STXBP5L: variants seen among roughly 807,000 people sequenced by gnomAD.
STXBP5L encodes syntaxin-binding protein 5-like.
In STXBP5L, 65 loss-of-function variants were observed where a neutral mutation model predicts 144.5. The observed-to-expected ratio is 0.45, with a 90% CI of 0.37 to 0.55. The LOEUF (loss-of-function observed/expected upper bound fraction) is 0.55. STXBP5L is among the 20% of genes least tolerant of loss of function. The pLI, the probability that STXBP5L is intolerant of heterozygous loss-of-function variation, is 0.00. For synonymous variants in STXBP5L, 505 were observed against 469.6 expected (o/e 1.08, Z -0.97); for missense variants, 1,298 against 1,405.5 (o/e 0.92, Z 1.22).
intron 7 of STXBP5L, among the ~76,000 whole-genome samples, chr3:121,123,077 C>T (rs1466464909): frequency 2.0e-5 from 3 of 151,418 alleles, no homozygotes; most frequent in Admixed American, 6.6e-5. Flanking sequence ...CCTCTTACTT[C>T]TAGAGAGAAG....
chr3:121,198,787 A>G (rs2108203516), intron 9 of STXBP5L, among the ~76,000 whole-genome samples: 1 of 152,118 alleles, frequency 6.6e-6, no homozygotes, highest in South Asian at 2.1e-4. Flanking sequence ...TGAAGATCAG[A>G]TGGTTGTAGG....
At chr3:120,989,373 T>G (rs1942611370) in intron 3 of STXBP5L, among the ~76,000 whole-genome samples, 1 of 152,200 alleles carries the variant, frequency 6.6e-6, no homozygotes, top group Admixed American at 6.5e-5. Context: ...TTTGTATTAT[T>G]CTGATGATTT....
rs533696143 is a variant in STXBP5L, at chr3:120,976,336, G to T, written c.287+21299G>T. Among the ~76,000 whole-genome samples the T allele has an allele frequency of 7.2e-5, 11 of 152,296 alleles. No homozygotes were observed. The South Asian group carries it at 1.9e-3, about 26-fold the overall frequency. ...GATTTTCTAGTTTATTTGTGTAGAG[G>T]TGTTTGTAGTATTCTCTGATAGTAG... On this transcript the variant is annotated intron_variant, in intron 3 of 26. Coordinates refer to ENST00000471454, the MANE Select transcript of STXBP5L (RefSeq NM_001308330.2).
At chr3:121,164,804 G>A (rs2046443908) in intron 9 of STXBP5L, among the ~76,000 whole-genome samples, 1 of 152,162 alleles carries the variant, frequency 6.6e-6, no homozygotes, top group African/African-American at 2.4e-5. Context: ...GAAAAGTATT[G>A]CATTGTCTCA....
At chr3:121,340,132 C>T (rs541505575) in intron 20 of STXBP5L, among the ~76,000 whole-genome samples, 10 of 152,146 alleles carry the variant, frequency 6.6e-5, no homozygotes, top group East Asian at 1.9e-4. Context: ...CTGGAGGCAT[C>T]GCATTACCTG....
chr3:121,244,534 A>G (rs1214134736), intron 14 of STXBP5L, among the ~76,000 whole-genome samples: 2 of 152,198 alleles, frequency 1.3e-5, no homozygotes, highest in Admixed American at 6.6e-5. Flanking sequence ...ATGGTCAAAA[A>G]TTTCCCAAGT....
At chr3:121,209,589 C>A (rs189472420) in intron 10 of STXBP5L, among the ~76,000 whole-genome samples, 4 of 152,004 alleles carry the variant, frequency 2.6e-5, no homozygotes, top group South Asian at 2.1e-4. Flanking sequence ...CCTCTCCCCC[C>A]ACCCCATGAC....
At chr3:121,083,561 G>T (rs2107701505) in intron 5 of STXBP5L, among the ~76,000 whole-genome samples, 1 of 152,150 alleles carries the variant, frequency 6.6e-6, no homozygotes, top group Admixed American at 6.5e-5. Flanking sequence ...TACTCGGGAG[G>T]CTGAGGCAGG....
At chr3:121,153,224 G>T (rs1467555204) in intron 8 of STXBP5L, among the ~76,000 whole-genome samples, 1 of 152,094 alleles carries the variant, frequency 6.6e-6, no homozygotes, top group East Asian at 1.9e-4. Context: ...CACTTCAGTT[G>T]TTCAAATATT....
intron 18 of STXBP5L, among the ~76,000 whole-genome samples, chr3:121,268,091 A>G (rs1005674266): frequency 7.2e-5 from 11 of 152,216 alleles, no homozygotes; most frequent in Admixed American, 7.2e-4. Context: ...TCATTCTGCT[A>G]TAAAGACACA....
At chr3:121,037,861 A>G (rs1197818254) in intron 3 of STXBP5L, among the ~76,000 whole-genome samples, 2 of 151,930 alleles carry the variant, frequency 1.3e-5, no homozygotes, top group African/African-American at 4.8e-5. Context: ...GTGCTGTTAA[A>G]TTTCCTACTT....
intron 2 of STXBP5L, among the ~76,000 whole-genome samples, chr3:120,914,859 G>T (rs1320160755): frequency 1.3e-5 from 2 of 152,040 alleles, no homozygotes; most frequent in Admixed American, 6.6e-5. Flanking sequence ...TAACCAGAAA[G>T]AATTAAAGAT....
chr3:121,065,357 A>G (rs2041492220), intron 5 of STXBP5L, among the ~76,000 whole-genome samples: 1 of 152,100 alleles, frequency 6.6e-6, no homozygotes, highest in African/African-American at 2.4e-5. Context: ...GTATATACAT[A>G]TTTTATAATA....
At chr3:121,035,036 C>A (rs1419704204) in intron 3 of STXBP5L, among the ~76,000 whole-genome samples, 1 of 152,050 alleles carries the variant, frequency 6.6e-6, no homozygotes. Context: ...AATGCCTGTT[C>A]ATGTCCTTTG....
intron 2 of STXBP5L, among the ~76,000 whole-genome samples, chr3:120,923,706 A>G (rs1709468705): frequency 6.6e-6 from 1 of 152,012 alleles, no homozygotes; most frequent in Admixed American, 6.5e-5. Flanking sequence ...AAGATATGTC[A>G]TATGATTTTT....
intron 10 of STXBP5L, among the ~76,000 whole-genome samples, chr3:121,220,528 A>G (rs895180431): frequency 6.6e-6 from 1 of 152,082 alleles, no homozygotes; most frequent in Non-Finnish European, 1.5e-5. Context: ...AGGATCTGTA[A>G]TCTAATAAAT....
At chr3:121,281,602 AC>A (rs1398423939) in intron 19 of STXBP5L, among the ~76,000 whole-genome samples, 1 of 152,052 alleles carries the variant, frequency 6.6e-6, no homozygotes, top group Non-Finnish European at 1.5e-5. Flanking sequence ...TATCTAAATC[AC>A]TTGCTGGATA....
intron 8 of STXBP5L, among the ~76,000 whole-genome samples, chr3:121,156,345 A>C (rs749259669): frequency 4.6e-5 from 7 of 152,020 alleles, no homozygotes; most frequent in Admixed American, 3.9e-4. Flanking sequence ...GTTTCAAAAA[A>C]TAAATATGAT....
chr3:121,106,219 G>A (rs1017760638), intron 5 of STXBP5L, among the ~76,000 whole-genome samples: 1 of 152,090 alleles, frequency 6.6e-6, no homozygotes, highest in Non-Finnish European at 1.5e-5. Flanking sequence ...AAACGGATGT[G>A]TGTGTATAAT....
Sources: allele counts gnomAD v4.1 joint callset (sites outside exome capture counted in the v4.1 genomes callset), GRCh38; gene constraint gnomAD v4.1.1; transcripts MANE v1.5; gene names NCBI Gene and HGNC (gene_info 2026-07-23, HGNC 2026-07-21).